FARS2: variants seen among roughly 807,000 people sequenced by gnomAD.
The protein encoded by FARS2 is phenylalanine--tRNA ligase, mitochondrial.
A neutral mutation model predicts 46.4 loss-of-function variants in FARS2; 40 were observed. The ratio of observed to expected loss-of-function variants is 0.86; its 90% CI spans 0.67 to 1.12. The LOEUF is 1.12. Among genes scored for constraint, FARS2 ranks in the 50% most tolerant of loss-of-function variants. The probability of loss-of-function intolerance (pLI) is 0.00; values close to 1 mark genes in which losing one functional copy is unlikely to be tolerated. For missense variants in FARS2, 513 were observed against 567.9 expected, an observed-to-expected ratio of 0.90 and a Z score of 0.98; for synonymous variants, 234 against 214.9, an observed-to-expected ratio of 1.09 and a Z score of -0.78.
chr6:5,664,101 T>C (rs1582700526), intron 6 of FARS2, among the ~76,000 whole-genome samples: 1 of 152,334 alleles, frequency 6.6e-6, no homozygotes, highest in Middle Eastern at 3.4e-3. Context: ...AGTGGCAGCT[T>C]TGGGGTTTTA....
chr6:5,555,833 A>G (rs963000551), intron 5 of FARS2, among the ~76,000 whole-genome samples: 9 of 152,148 alleles, frequency 5.9e-5, no homozygotes, highest in African/African-American at 2.2e-4. Flanking sequence ...AAGATGACCA[A>G]TCATAGAACC....
At chr6:5,334,752 A>T (rs1001734469) in intron 1 of FARS2, among the ~76,000 whole-genome samples, 4 of 152,198 alleles carry the variant, frequency 2.6e-5, no homozygotes, top group East Asian at 3.8e-4. Flanking sequence ...TTATGATTTT[A>T]TTCTCCTCTG....
chr6:5,502,447 C>T (rs570687010), intron 4 of FARS2, among the ~76,000 whole-genome samples: 1 of 151,948 alleles, frequency 6.6e-6, no homozygotes, highest in East Asian at 1.9e-4. Context: ...TTACTCTCTC[C>T]CCAAAAGCAC....
At chr6:5,410,655 G>T (rs1187763839) in intron 3 of FARS2, among the ~76,000 whole-genome samples, 1 of 152,214 alleles carries the variant, frequency 6.6e-6, no homozygotes, top group East Asian at 1.9e-4. Context: ...GGTGACGATA[G>T]AGATAATAGT....
intron 6 of FARS2, among the ~76,000 whole-genome samples, chr6:5,757,417 C>A (rs2326673): frequency 0.29 from 44,136 of 151,884 alleles, 9,241 homozygotes; most frequent in African/African-American, 0.59. Flanking sequence ...TGGAGAGTCC[C>A]TAGATTTATC....
rs1312591337 is a variant in FARS2 at position 5,343,754 on chromosome 6, G to A, written c.-21-24796G>A. On this transcript the variant is annotated intron_variant, in intron 1 of 6. Transcript: ENST00000274680. The surrounding 1 kb of genome is among the most constrained non-coding windows in gnomAD (Gnocchi z 4.5). ...TAGGGATTCTCCTGTGGGAGGGAGAGGACCTTTGTCTTGGTAGCTGTCTAC... is the reference window on the plus strand; with the variant it reads ...TAGGGATTCTCCTGTGGGAGGGAGAAGACCTTTGTCTTGGTAGCTGTCTAC... 1.3e-5 allele frequency among the ~76,000 whole-genome samples: 2 copies of A among 152,150 alleles called. No individual in the cohort carries two copies. The highest frequency in any genetic ancestry group is 4.8e-5 in the African/African-American group (2 of 41,422).
chr6:5,271,265 A>C (rs1765925528), intron 1 of FARS2, among the ~76,000 whole-genome samples: 1 of 152,130 alleles, frequency 6.6e-6, no homozygotes, highest in Non-Finnish European at 1.5e-5. Context: ...TTGTTTCCAA[A>C]ACCTTAGAGG....
At chr6:5,290,808 C>A (rs993225288) in intron 1 of FARS2, among the ~76,000 whole-genome samples, 2 of 152,220 alleles carry the variant, frequency 1.3e-5, no homozygotes, top group African/African-American at 4.8e-5. Flanking sequence ...GTAGCCTCCA[C>A]CTCCTTCCAG....
At chr6:5,284,578 A>C (rs1487977546) in intron 1 of FARS2, among the ~76,000 whole-genome samples, 1 of 152,114 alleles carries the variant, frequency 6.6e-6, no homozygotes, top group African/African-American at 2.4e-5. Flanking sequence ...AATAGTGCTT[A>C]TGTTTTATAT....
intron 5 of FARS2, among the ~76,000 whole-genome samples, chr6:5,559,573 G>A (rs1402422913): frequency 6.6e-6 from 1 of 152,122 alleles, no homozygotes. Context: ...AAAACATTCT[G>A]TAGGATTGCT....
At chr6:5,636,312 G>A (rs971406127) in intron 6 of FARS2, among the ~76,000 whole-genome samples, 1 of 152,216 alleles carries the variant, frequency 6.6e-6, no homozygotes, top group African/African-American at 2.4e-5. Flanking sequence ...GCGAAGGCCT[G>A]ACAGTGTACG....
upstream of FARS2, among the ~76,000 whole-genome samples, chr6:5,258,029 G>C (rs1764765509): frequency 6.6e-6 from 1 of 152,174 alleles, no homozygotes; most frequent in Non-Finnish European, 1.5e-5. Context: ...CTTGAAGGAA[G>C]AGGGGGCACT....
intron 1 of FARS2, among the ~76,000 whole-genome samples, chr6:5,281,166 A>C (rs1192176161): frequency 6.6e-6 from 1 of 152,216 alleles, no homozygotes; most frequent in Non-Finnish European, 1.5e-5. Flanking sequence ...AGAGTCTAAA[A>C]GCTTCTTAAA....
chr6:5,670,148 CA>C (rs1053308156), intron 6 of FARS2, among the ~76,000 whole-genome samples: 5 of 152,120 alleles, frequency 3.3e-5, no homozygotes, highest in African/African-American at 1.2e-4. Context: ...TATATGCAGC[CA>C]AGCATAGGCG....
At chr6:5,429,681 C>T (rs1188773870) in intron 3 of FARS2, among the ~76,000 whole-genome samples, 5 of 152,132 alleles carry the variant, frequency 3.3e-5, no homozygotes, top group African/African-American at 9.7e-5. Flanking sequence ...CATGATGACG[C>T]GTGCTTGTAG....
chr6:5,441,736 G>T (rs1238967161), intron 4 of FARS2, among the ~76,000 whole-genome samples: 2 of 152,186 alleles, frequency 1.3e-5, no homozygotes, highest in Non-Finnish European at 2.9e-5. Context: ...ATGTATAGGT[G>T]TAAGAGTCTC....
At chr6:5,503,403 C>CAG (rs780756825) in intron 4 of FARS2, among the ~76,000 whole-genome samples, 6 of 74,302 alleles carry the variant, frequency 8.1e-5, no homozygotes, top group South Asian at 3.2e-4. Context: ...CACACACACA[C>CAG]ACAGAGAGAG....
intron 4 of FARS2, among the ~76,000 whole-genome samples, chr6:5,438,810 C>G (rs1006515444): frequency 2.6e-5 from 4 of 152,176 alleles, no homozygotes; most frequent in Non-Finnish European, 5.9e-5. Flanking sequence ...TGTCCATGCT[C>G]AAAAAGTTTC....
rs1280570919 is a variant in FARS2, at chr6:5,682,880, T to C, written c.1217+69560T>C. 3.9e-5 allele frequency among the ~76,000 whole-genome samples: 6 copies of C among 152,206 alleles called. No homozygotes were observed. In the East Asian group the frequency reaches 9.7e-4, roughly 24 times the overall value. Reference sequence around the variant, plus strand: ...AGTGAAGTGAAAAGCAGTAACTCATTTTAAGGAGAGTCAGGGAAGACTCCT... The same window carrying C: ...AGTGAAGTGAAAAGCAGTAACTCATCTTAAGGAGAGTCAGGGAAGACTCCT... On this transcript the variant is annotated intron_variant, in intron 6 of 6. Coordinates refer to ENST00000274680, the MANE Select transcript of FARS2 (RefSeq NM_006567.5).
Sources: gnomAD v4.1 joint callset for allele counts (sites outside exome capture counted in the v4.1 genomes callset) on GRCh38, gnomAD v4.1.1 for gene constraint, Gnocchi (gnomAD v3.1) non-coding constraint, MANE v1.5 for transcripts, NCBI Gene and HGNC (gene_info 2026-07-23, HGNC 2026-07-21) for gene names.